Variants in POLR1D observed in about 807,000 individuals in gnomAD.
POLR1D encodes DNA-directed RNA polymerases I and III subunit RPAC2.
Under a neutral mutation model 10.8 loss-of-function variants are expected in POLR1D, and 8 were observed. The observed-to-expected ratio is 0.74, with a 90% confidence interval of 0.43 to 1.33. The LOEUF (loss-of-function observed/expected upper bound fraction) is 1.33. POLR1D is among the 40% of genes most tolerant of loss of function. The pLI, the probability that POLR1D is intolerant of heterozygous loss-of-function variation, is 0.01. For synonymous variants in POLR1D, 54 were observed against 57.2 expected (o/e 0.94, Z 0.25); for missense variants, 152 against 161.7 (o/e 0.94, Z 0.32).
At chr13:27,654,249 G>C (rs1593291742) in intron 2 of POLR1D, among the ~76,000 whole-genome samples, 1 of 152,072 alleles carries the variant, frequency 6.6e-6, no homozygotes, top group African/African-American at 2.4e-5. Context: ...TACAGTAAAA[G>C]CCCTTTATAT....
At chr13:27,666,686 A>C (rs1173028053) in exon 3 of POLR1D, 8 of 152,182 alleles carry the variant, frequency 5.3e-5, no homozygotes, top group Non-Finnish European at 1.0e-4. Flanking sequence ...TCAGTGCTAG[A>C]TCTTACCAGC....
exon 3 of POLR1D, chr13:27,665,909 C>T: frequency 4.3e-6 from 7 of 1,614,184 alleles, no homozygotes; most frequent in Non-Finnish European, 5.9e-6. Flanking sequence ...GCCACGAAAG[C>T]GGAGCAGCCA....
downstream of POLR1D, among the ~76,000 whole-genome samples, chr13:27,624,731 TAAAA>T (rs1486322837): frequency 6.6e-6 from 1 of 151,318 alleles, no homozygotes. Context: ...TACAAAAAAA[TAAAA>T]AAGGTAGCCA....
chr13:27,657,398 C>T (rs1033671734), intron 2 of POLR1D, among the ~76,000 whole-genome samples: 1 of 152,098 alleles, frequency 6.6e-6, no homozygotes, highest in Non-Finnish European at 1.5e-5. Flanking sequence ...GGCATGGTGG[C>T]GCCTGTGTTC....
At chr13:27,664,225 C>T (rs1163716908) in intron 2 of POLR1D, among the ~76,000 whole-genome samples, 1 of 152,196 alleles carries the variant, frequency 6.6e-6, no homozygotes, top group Non-Finnish European at 1.5e-5. Flanking sequence ...CTTGAGACTA[C>T]TAAGGCAGCG....
downstream of POLR1D, among the ~76,000 whole-genome samples, chr13:27,628,136 A>G (rs372781282): frequency 5.9e-5 from 9 of 152,216 alleles, no homozygotes; most frequent in African/African-American, 1.9e-4. Flanking sequence ...AGAAGAATTC[A>G]TGTATTTTAC....
chr13:27,630,751 A>G (rs1319500425), intron 1 of POLR1D, among the ~76,000 whole-genome samples: 1 of 152,252 alleles, frequency 6.6e-6, no homozygotes, highest in East Asian at 1.9e-4. Context: ...AGCTATTGCT[A>G]TTGATATATA....
rs762950942 is a variant in POLR1D at position 27,623,434 on chromosome 13, C to T, written c.*184C>T. 243 of 1,322,466 alleles carry T rather than the reference C, an allele frequency of 1.8e-4. No homozygotes were observed. Among genetic ancestry groups the T allele is most frequent in the Non-Finnish European group, 2.1e-4 (217 of 1,012,256 alleles). 81.9% of individuals were successfully genotyped at this position (1,322,466 alleles called of 1,614,324 possible). A position where few individuals can be genotyped will look rare whatever the true frequency, so the allele number is the denominator to read the frequency against. On this transcript the variant is annotated 3_prime_UTR_variant, in exon 2 of 2. Coordinates refer to ENST00000302979, the MANE Select transcript of POLR1D (RefSeq NM_015972.4). ...AACCTCTGTATTCTTCTAATAAATT[C>T]CCTCTTTTATTTAAACTAGTTTGAC...
intron 1 of POLR1D, chr13:27,622,385 T>A (rs1250284016): frequency 8.7e-6 from 3 of 344,760 alleles, no homozygotes; most frequent in Non-Finnish European, 1.6e-5. Context: ...TGCGCTGAGC[T>A]CTTTTTCTCC....
intron 1 of POLR1D, among the ~76,000 whole-genome samples, chr13:27,639,233 T>G (rs527876028): frequency 6.6e-6 from 1 of 152,354 alleles, no homozygotes; most frequent in South Asian, 2.1e-4. Flanking sequence ...CAAAATACAT[T>G]TTATTGAGTA....
intron 1 of POLR1D, among the ~76,000 whole-genome samples, chr13:27,637,252 A>G (rs957224482): frequency 6.6e-6 from 1 of 152,206 alleles, no homozygotes; most frequent in African/African-American, 2.4e-5. Context: ...GTTTTTCTCC[A>G]TACTATAGAG....
exon 3 of POLR1D, chr13:27,666,854 C>G (rs1419253763): frequency 6.6e-6 from 1 of 152,086 alleles, no homozygotes; most frequent in Non-Finnish European, 1.5e-5. Context: ...TCTTTATACT[C>G]AGGAAAATGT....
chr13:27,629,972 C>T (rs529368785), intron 1 of POLR1D, among the ~76,000 whole-genome samples: 5 of 152,204 alleles, frequency 3.3e-5, no homozygotes, highest in East Asian at 1.9e-4. Context: ...AGTGCAGTGG[C>T]GCGATCTTGG....
chr13:27,622,380 T>C, intron 1 of POLR1D: 1 of 351,904 alleles, frequency 2.8e-6, no homozygotes, highest in Non-Finnish European at 5.2e-6. Context: ...CTCTGTGCGC[T>C]GAGCTCTTTT....
At chr13:27,664,972 G>A (rs1956400838) in intron 2 of POLR1D, 1 of 152,290 alleles carries the variant, frequency 6.6e-6, no homozygotes, top group Admixed American at 6.5e-5. Context: ...ATAATACATA[G>A]TATATAAGTA....
intron 2 of POLR1D, among the ~76,000 whole-genome samples, chr13:27,652,862 A>C (rs1309972551): frequency 1.2e-5 from 1 of 83,556 alleles, no homozygotes; most frequent in African/African-American, 3.3e-5. Context: ...GTGAGACTCC[A>C]TCTCAAAAAA....
In POLR1D at chr13:27,621,922, C is replaced by T. The variant is rs1211417554; in HGVS notation, c.-62C>T. On this transcript the variant is annotated 5_prime_UTR_variant, in exon 1 of 2. Coordinates refer to ENST00000302979, the MANE Select transcript of POLR1D (RefSeq NM_015972.4). ...CTTCCTGCTTCGCCTCCGCGCCTCGCGCTATGGGACAGAGCCCCCGATCCG... is the reference window on the plus strand; with the variant it reads ...CTTCCTGCTTCGCCTCCGCGCCTCGTGCTATGGGACAGAGCCCCCGATCCG... The T allele has an allele frequency of 4.5e-6, 7 of 1,544,256 alleles. No homozygotes were observed. In the East Asian group the frequency reaches 7.0e-5, roughly 16 times the overall value.
At chr13:27,633,934 CT>C (rs1486814128) in intron 1 of POLR1D, among the ~76,000 whole-genome samples, 2 of 152,156 alleles carry the variant, frequency 1.3e-5, no homozygotes, top group African/African-American at 4.8e-5. Flanking sequence ...CTTCATTTAT[CT>C]CTTCATTCCC....
intron 1 of POLR1D, among the ~76,000 whole-genome samples, chr13:27,630,524 T>C (rs1015326704): frequency 6.6e-6 from 1 of 152,152 alleles, no homozygotes; most frequent in Non-Finnish European, 1.5e-5. Flanking sequence ...GGCAGTGTTG[T>C]GTAGAGGCGA....
Sources: allele counts gnomAD v4.1 joint callset (sites outside exome capture counted in the v4.1 genomes callset), GRCh38; gene constraint gnomAD v4.1.1; transcripts MANE v1.5; gene names NCBI Gene and HGNC (gene_info 2026-07-23, HGNC 2026-07-21).